LGALS8: variants seen among roughly 807,000 people sequenced by gnomAD.
LGALS8 encodes galectin 8.
A neutral mutation model predicts 35.9 loss-of-function variants in LGALS8; 30 were observed. The ratio of observed to expected loss-of-function variants is 0.83; its 90% confidence interval spans 0.62 to 1.13. The LOEUF is 1.13. Ranked by LOEUF, LGALS8 falls within the 50% of genes most tolerant of loss-of-function variation. The pLI is 0.00. For missense variants in LGALS8, 366 were observed against 388.7 expected (o/e 0.94, Z 0.49); for synonymous variants, 138 against 136.1 (o/e 1.01, Z -0.10).
At chr1:236,534,135 C>T (rs191030754) in intron 2 of LGALS8, among the ~76,000 whole-genome samples, 1 of 152,308 alleles carries the variant, frequency 6.6e-6, no homozygotes, top group African/African-American at 2.4e-5. Flanking sequence ...GTTTTGTCAC[C>T]TGCTCTTACC....
upstream of LGALS8, chr1:236,523,899 T>G (rs1571984226): frequency 1.2e-5 from 4 of 337,034 alleles, no homozygotes; most frequent in Admixed American, 4.0e-5. Context: ...GCGGGGAGGG[T>G]GGGGAGACCA....
At position 236,549,998 on chromosome 1, in the gene LGALS8, A is replaced by AC. The variant is rs1386984049; in HGVS notation, c.*1838dup. The AC allele has an allele frequency of 1.3e-5, 2 of 152,218 alleles. No homozygotes were observed. The highest frequency in any genetic ancestry group is 1.5e-5 in the Non-Finnish European group (1 of 68,042). 9.4% of individuals were successfully genotyped at this position (152,218 alleles called of 1,614,324 possible). A position where few individuals can be genotyped will look rare whatever the true frequency, so the allele number is the denominator to read the frequency against. The stretch of plus-strand genomic sequence containing the variant: ...TCAAAGGCTTTTAAACTCAATGCGA[A>AC]CATTCTACGGGATGTTCTTAGATGC... On this transcript the variant is annotated 3_prime_UTR_variant, in exon 10 of 10. Coordinates refer to ENST00000366584, the MANE Select transcript of LGALS8 (RefSeq NM_201544.4).
At position 236,544,738 on chromosome 1, in the gene LGALS8, C is replaced by A; in HGVS notation, c.639-12C>A. 1.3e-6 allele frequency: 2 copies of A among 1,538,936 alleles called. No individual in the cohort carries two copies. Among genetic ancestry groups the A allele is most frequent in the Non-Finnish European group, 1.7e-6 (2 of 1,145,406 alleles). ...TTAATTAAGGTTTTTTTTTTTCTTTCTTTCTCAAAAGCTTTAATGTTGACC... is the reference window on the plus strand; with the variant it reads ...TTAATTAAGGTTTTTTTTTTTCTTTATTTCTCAAAAGCTTTAATGTTGACC... On this transcript the variant is annotated splice_polypyrimidine_tract_variant and intron_variant, in intron 8 of 9. Transcript: ENST00000366584.
upstream of LGALS8, among the ~76,000 whole-genome samples, chr1:236,522,012 T>G (rs1660565706): frequency 6.6e-6 from 1 of 152,176 alleles, no homozygotes; most frequent in East Asian, 1.9e-4. Flanking sequence ...GAAGGGCCCA[T>G]GAGGTCCTTT....
At chr1:236,521,928 A>C (rs1466084578), upstream of LGALS8, among the ~76,000 whole-genome samples, 1 of 152,114 alleles carries the variant, frequency 6.6e-6, no homozygotes, top group Non-Finnish European at 1.5e-5. Context: ...TACATTGCAG[A>C]GGGGCAAGGG....
At chr1:236,543,113 A>T in intron 7 of LGALS8, 1 of 1,406,718 alleles carries the variant, frequency 7.1e-7, no homozygotes, top group South Asian at 1.2e-5. Context: ...AGTAACCTGT[A>T]TCCACAATAG....
At chr1:236,533,544 G>C (rs979497388) in intron 2 of LGALS8, among the ~76,000 whole-genome samples, 6 of 152,026 alleles carry the variant, frequency 3.9e-5, no homozygotes, top group African/African-American at 1.4e-4. Context: ...ACGTTGGTCA[G>C]GCTGGTCTTC....
chr1:236,543,276 C>A, intron 7 of LGALS8: 2 of 636,978 alleles, frequency 3.1e-6, no homozygotes, highest in Non-Finnish European at 2.8e-6. Flanking sequence ...TGCCTCAGAC[C>A]CCAGGCACAG....
chr1:236,529,250 CTGGGTGACAGAG>C (rs1162803709), intron 2 of LGALS8, among the ~76,000 whole-genome samples: 4 of 151,940 alleles, frequency 2.6e-5, no homozygotes, highest in Admixed American at 2.6e-4. Context: ...GTGCTTCATT[CTGGGTGACAGAG>C]CAAGAACCAT....
rs1662528890 is a variant in LGALS8, at chr1:236,548,176, T to G, written c.*15T>G. ...GGAGCTGGTAGCCTACCTACACAGC[T>G]GCTACAAAAACCAAAATACAGAATG... On this transcript the variant is annotated 3_prime_UTR_variant, in exon 10 of 10. Coordinates refer to ENST00000366584, the MANE Select transcript of LGALS8 (RefSeq NM_201544.4). 1.2e-6 allele frequency: 2 copies of G among 1,607,630 alleles called. No homozygotes were observed. Among genetic ancestry groups the G allele is most frequent in the Non-Finnish European group, 1.7e-6 (2 of 1,176,978 alleles).
chr1:236,536,775 T>A (rs1416744867), intron 2 of LGALS8: 2 of 152,200 alleles, frequency 1.3e-5, no homozygotes, highest in African/African-American at 4.8e-5. Flanking sequence ...TTGGGCCTAG[T>A]GTGGCCTCGA....
In LGALS8 at chr1:236,540,536, G is replaced by GT. The variant is rs1260021673; in HGVS notation, c.346-28_346-27insT. 2.6e-6 allele frequency: 4 copies of GT among 1,515,038 alleles called. No homozygotes were observed. The Admixed American group carries it at 7.1e-5, about 27-fold the overall frequency. 93.8% of individuals were successfully genotyped at this position (1,515,038 alleles called of 1,614,324 possible). The stretch of plus-strand genomic sequence containing the variant: ...TTAACTGTTTTTTTTTGGTGGCGGG[G>GT]GGGGCTCTGTCTTCTGTATCTCTCT... On this transcript the variant is annotated intron_variant, in intron 4 of 9. Coordinates refer to ENST00000366584, the MANE Select transcript of LGALS8 (RefSeq NM_201544.4).
chr1:236,540,309 C>T, intron 4 of LGALS8: 1 of 410,922 alleles, frequency 2.4e-6, no homozygotes, highest in Non-Finnish European at 4.3e-6. Context: ...AGCACACGCA[C>T]ATATACTTAT....
intron 9 of LGALS8, among the ~76,000 whole-genome samples, chr1:236,545,537 C>T (rs1203856318): frequency 6.6e-6 from 1 of 152,200 alleles, no homozygotes; most frequent in East Asian, 1.9e-4. Flanking sequence ...GGTGCCACTG[C>T]CTCACACAGT....
upstream of LGALS8, chr1:236,523,208 T>C (rs1660606994): frequency 6.6e-6 from 1 of 152,180 alleles, no homozygotes; most frequent in African/African-American, 2.4e-5. Context: ...CACAGAATTG[T>C]GCTCCATACT....
upstream of LGALS8, among the ~76,000 whole-genome samples, chr1:236,521,632 A>C (rs1660552945): frequency 6.6e-6 from 1 of 152,122 alleles, no homozygotes; most frequent in South Asian, 2.1e-4. Context: ...GTTCAAGACT[A>C]GCCTGGGCAA....
rs529374744 is a variant in LGALS8, at chr1:236,538,827, G to A, written c.135-52G>A. The A allele has an allele frequency of 7.5e-6, 10 of 1,336,668 alleles. No homozygotes were observed. In the East Asian group the frequency reaches 2.3e-4, roughly 31 times the overall value. 82.8% of individuals were successfully genotyped at this position (1,336,668 alleles called of 1,614,324 possible). On this transcript the variant is annotated intron_variant, in intron 3 of 9. Coordinates refer to ENST00000366584, the MANE Select transcript of LGALS8 (RefSeq NM_201544.4). ...TGTAGTGCCTGCTGGTCCTTTACTG[G>A]TGGCTTTCCTTTCTGAGCACTCATG...
intron 2 of LGALS8, among the ~76,000 whole-genome samples, chr1:236,533,684 C>A (rs1489040805): frequency 2.0e-5 from 3 of 151,498 alleles, no homozygotes; most frequent in Admixed American, 6.6e-5. Context: ...TTTGTAGTTA[C>A]AAGCAACAGA....
intron 9 of LGALS8, among the ~76,000 whole-genome samples, chr1:236,546,752 G>A (rs907592353): frequency 6.6e-6 from 1 of 152,194 alleles, no homozygotes; most frequent in Non-Finnish European, 1.5e-5. Flanking sequence ...TGCCAACTTG[G>A]TTTTCCTTCT....
Sources: allele counts gnomAD v4.1 joint callset (sites outside exome capture counted in the v4.1 genomes callset), GRCh38; gene constraint gnomAD v4.1.1; transcripts MANE v1.5; gene names NCBI Gene and HGNC (gene_info 2026-07-23, HGNC 2026-07-21).